The following LILRA6 variants were observed in gnomAD, a reference collection of about 807,000 sequenced individuals.
The protein encoded by LILRA6 is leukocyte immunoglobulin-like receptor subfamily A member 6.
Under a neutral mutation model 53.9 loss-of-function variants are expected in LILRA6, and 16 were observed. The observed-to-expected ratio is 0.30, with a 90% confidence interval of 0.20 to 0.45. The LOEUF is 0.45. LILRA6 is among the 20% of genes least tolerant of loss of function. The pLI, the probability that LILRA6 is intolerant of heterozygous loss-of-function variation, is 1.00. For missense variants in LILRA6, 306 were observed against 618.6 expected (o/e 0.49, Z 5.36); for synonymous variants, 135 against 256.4 (o/e 0.53, Z 4.52).
At position 54,239,522 on chromosome 19, in the gene LILRA6, C is replaced by T. The variant is rs142937128; in HGVS notation, c.1309+379G>A. ...CCTTCACTCCCTTCTTTCCTAGTGT[C>T]CCAGAGCTCTCCTGGGTGCAGAGCC... On this transcript the variant is annotated intron_variant, in intron 7 of 7. Coordinates refer to ENST00000396365, the Ensembl canonical transcript of LILRA6. 1.7e-3 allele frequency: 1,227 copies of T among 709,036 alleles called. 11 individuals carry two copies. The highest frequency in any genetic ancestry group is 2.4e-3 in the Non-Finnish European group (1,057 of 435,404). 43.9% of individuals were successfully genotyped at this position (709,036 alleles called of 1,614,324 possible).
chr19:54,239,255 A>C, intron 7 of LILRA6, 166 bp from the exon 8 acceptor site: 1 of 1,520,772 alleles, frequency 6.6e-7, no homozygotes, highest in Non-Finnish European at 8.8e-7. Context: ...TGAGGGTCTC[A>C]GCTCCTCCTG....
At chr19:54,241,344 T>C in intron 4 of LILRA6, 1 of 1,103,588 alleles carries the variant, frequency 9.1e-7, no homozygotes, top group Non-Finnish European at 1.2e-6. Context: ...CCCTGAGAGC[T>C]GGGACCTCAC....
At chr19:54,239,386 C>A in intron 7 of LILRA6, 1 of 730,540 alleles carries the variant, frequency 1.4e-6, no homozygotes, top group African/African-American at 1.8e-5. Context: ...CCCTCTCCTG[C>A]AGCAGGGCTC....
exon 5 of LILRA6, chr19:54,241,024 A>T (rs1418086785): frequency 6.2e-7 from 1 of 1,613,302 alleles, no homozygotes; most frequent in African/African-American, 1.3e-5. Flanking sequence ...TATACAGAAC[A>T]AATCTGTCGT....
chr19:54,239,077 T>C (rs1199646056), exon 8 of LILRA6: 1 of 1,611,128 alleles, frequency 6.2e-7, no homozygotes, highest in African/African-American at 1.4e-5. Flanking sequence ...TGTGTAATCC[T>C]TGGCGTGTGA....
At chr19:54,239,586 GC>G in intron 7 of LILRA6, 1 of 1,082,552 alleles carries the variant, frequency 9.2e-7, no homozygotes, top group Non-Finnish European at 1.3e-6. Flanking sequence ...CAGGGTCAGG[GC>G]CCTCACCTGA....
intron 6 of LILRA6, 140 bp from the exon 7 acceptor site, chr19:54,240,091 G>C (rs1228980548): frequency 6.9e-7 from 1 of 1,455,234 alleles, no homozygotes; most frequent in African/African-American, 1.4e-5. Context: ...ATGCCAGGCA[G>C]GGGAGAACGG....
At chr19:54,238,706 A>G (rs1182379547) in exon 8 of LILRA6, 2 of 552,814 alleles carry the variant, frequency 3.6e-6, no homozygotes, top group Non-Finnish European at 5.8e-6. Flanking sequence ...GGAACTTAAG[A>G]CAGAGAAGCA....
At chr19:54,238,656 G>T (rs1255858480) in exon 8 of LILRA6, 3 of 388,378 alleles carry the variant, frequency 7.7e-6, no homozygotes, top group African/African-American at 6.3e-5. Flanking sequence ...AATTCCTCAA[G>T]AGTTAGTGTT....
intron 7 of LILRA6, chr19:54,239,656 A>G: frequency 4.6e-6 from 7 of 1,513,162 alleles, no homozygotes; most frequent in Non-Finnish European, 5.4e-6. Flanking sequence ...GCTGGTCCTC[A>G]GGACCTCCTG....
In LILRA6 at chr19:54,240,823, C is replaced by T; in HGVS notation, c.955+8G>A. The T allele has an allele frequency of 1.9e-6, 3 of 1,613,224 alleles. No individual in the cohort carries two copies. Among genetic ancestry groups the T allele is most frequent in the South Asian group, 1.1e-5 (1 of 91,020 alleles). Reference sequence around the variant, plus strand: ...TGGGTCCCTGACTGAACCCGCTGGGCTCCTCACCTGCCATCAGGATGTTCA... The same window carrying T: ...TGGGTCCCTGACTGAACCCGCTGGGTTCCTCACCTGCCATCAGGATGTTCA... On this transcript the variant is annotated splice_region_variant and intron_variant, in intron 5 of 7. Transcript: ENST00000396365.
exon 6 of LILRA6, chr19:54,240,307 A>G (rs76090367): frequency 0.057 from 79,742 of 1,400,952 alleles, 1,132 homozygotes; most frequent in East Asian, 0.17. Context: ...TCACTGGGGA[A>G]AGACAGCAGG....
rs754605703 is a variant in LILRA6 at position 54,238,930 on chromosome 19, G to A, written c.*23C>T. On this transcript the variant is annotated 3_prime_UTR_variant, in exon 8 of 8. Coordinates refer to ENST00000396365, the Ensembl canonical transcript of LILRA6. The stretch of plus-strand genomic sequence containing the variant: ...GTCCCTGAGGCTCCACCACGCTGAA[G>A]GGTGCATTGTCCTCTCCGCTGTTCA... 7 of 1,608,526 alleles carry A rather than the reference G, an allele frequency of 4.4e-6. No homozygotes were observed. In the Admixed American group the frequency reaches 1.0e-4, roughly 23 times the overall value.
Position 54,238,986 on chromosome 19 carries a change from G to T in LILRA6, c.1413C>A (p.Ser471Arg), listed in dbSNP as rs759264926. The change falls in exon 8 of 8, where the codon AGC becomes AGA. Residue 471 changes from serine (S) to arginine (R), a missense_variant. By Grantham distance (110) the Ser-to-Arg change is moderately radical (BLOSUM62 -1). This residue lies in a region of LILRA6 where 59 missense variants were observed against 58.6 expected (regional missense o/e 1.01). Coordinates refer to ENST00000396365, the Ensembl canonical transcript of LILRA6. ...CGGCTGCATCTTGGGGGTTTCTCTG[G>T]CTGTGCTGAGCCTCAAATAACAGAA... is the stretch of plus-strand genomic sequence containing the variant. The T allele has an allele frequency of 9.3e-6, 15 of 1,611,324 alleles. No individual in the cohort carries two copies. The South Asian group carries it at 1.5e-4, about 17-fold the overall frequency.
intron 7 of LILRA6, 34 bp from the exon 8 acceptor site, chr19:54,239,123 C>A (rs8100079): frequency 0.27 from 429,342 of 1,592,140 alleles, 42,872 homozygotes; most frequent in African/African-American, 0.66. Context: ...CACAGAGGTC[C>A]GGGCAGATCA....
At chr19:54,237,990 CTT>C (rs1379200840), downstream of LILRA6, 1 of 148,284 alleles carries the variant, frequency 6.7e-6, no homozygotes. Context: ...AGGTTCTGTG[CTT>C]TGTGTTCATA....
chr19:54,239,044 C>G lies in LILRA6; in HGVS notation c.1355G>C (p.Gly452Ala), dbSNP rs905700584. The change falls in exon 8 of 8, where the codon GGC becomes GCC. Residue 452 changes from glycine to alanine, a missense_variant. By Grantham distance (60) the Gly-to-Ala change is moderately conservative. Around this residue, in one of 9 missense-constraint regions of LILRA6, gnomAD observed 59 missense variants for 58.6 expected, o/e 1.01. Coordinates refer to ENST00000396365, the Ensembl canonical transcript of LILRA6. Reference sequence around the variant, plus strand: ...GAACACCAGGACCAAGCCTGCCATGCCCATGCGGATGAGATTCTCCACTGT... The same window carrying G: ...GAACACCAGGACCAAGCCTGCCATGGCCATGCGGATGAGATTCTCCACTGT... 8 of 1,611,316 alleles carry G rather than the reference C, an allele frequency of 5.0e-6. 1 individual carries two copies. The highest frequency in any genetic ancestry group is 4.1e-5 in the African/African-American group (3 of 73,094).
rs756550133 is a variant in LILRA6, at chr19:54,242,012, G to C, written c.355+14C>G. The C allele has an allele frequency of 3.6e-6, 5 of 1,405,548 alleles. 2 individuals are homozygous for C. The Admixed American group carries it at 5.6e-5, about 16-fold the overall frequency. 87.1% of individuals were successfully genotyped at this position (1,405,548 alleles called of 1,614,324 possible). On this transcript the variant is annotated intron_variant, in intron 3 of 7. Coordinates refer to ENST00000396365, the Ensembl canonical transcript of LILRA6. ...GGCAGAGCCTGGGGCTGGGACCCCA[G>C]AGTGTCCTCTCACCTGTCATCACCA...
At chr19:54,241,038 C>A (rs777162576) in exon 5 of LILRA6, 2 of 1,612,922 alleles carry the variant, frequency 1.2e-6, no homozygotes, top group Non-Finnish European at 1.7e-6. Context: ...CTGTCGTAGC[C>A]GACATCAGAG....
Sources: allele counts gnomAD v4.1 joint callset, GRCh38; gene constraint gnomAD v4.1.1; regional missense constraint gnomAD v4.1.1; transcripts MANE v1.5; gene names NCBI Gene and HGNC (gene_info 2026-07-23, HGNC 2026-07-21).